The following SNX24 variants were observed in gnomAD, a reference collection of about 807,000 sequenced individuals.
SNX24 encodes sorting nexin-24.
SNX24 carries 22 observed loss-of-function variants against 28.7 expected under a neutral mutation model. The observed-to-expected ratio is 0.77, with a 90% confidence interval of 0.55 to 1.10. The LOEUF is 1.10. Among genes scored for constraint, SNX24 ranks in the 50% least tolerant of loss-of-function variants. SNX24 has a pLI of 0.00. For missense variants in SNX24, 221 were observed against 201.1 expected (o/e 1.10, Z -0.60); for synonymous variants, 69 against 71.5 (o/e 0.96, Z 0.18).
chr5:122,897,580 C>T (rs371497726), intron 1 of SNX24, among the ~76,000 whole-genome samples: 4 of 152,076 alleles, frequency 2.6e-5, no homozygotes, highest in East Asian at 1.9e-4. Context: ...GATTTTATCA[C>T]TCCAAATACT....
intron 3 of SNX24, among the ~76,000 whole-genome samples, chr5:122,987,556 A>G (rs1428431720): frequency 6.6e-6 from 1 of 152,114 alleles, no homozygotes; most frequent in Non-Finnish European, 1.5e-5. Context: ...CATGAATGAG[A>G]GATTGCTGGG....
intron 1 of SNX24, among the ~76,000 whole-genome samples, chr5:122,930,262 G>A (rs541722969): frequency 6.6e-6 from 1 of 152,070 alleles, no homozygotes; most frequent in African/African-American, 2.4e-5. Context: ...CTTTCCATTG[G>A]CAGTTCTACA....
intron 3 of SNX24, among the ~76,000 whole-genome samples, chr5:122,974,502 A>T (rs1238011687): frequency 6.6e-6 from 1 of 152,252 alleles, no homozygotes; most frequent in African/African-American, 2.4e-5. Flanking sequence ...GGCCTTATGG[A>T]CAGAAATGGA....
At chr5:122,905,582 G>T (rs1261729374) in intron 1 of SNX24, among the ~76,000 whole-genome samples, 2 of 152,186 alleles carry the variant, frequency 1.3e-5, no homozygotes, top group African/African-American at 4.8e-5. Context: ...TGCTCAACCA[G>T]TAAGTATAAT....
chr5:122,918,828 A>C (rs1581747613), intron 1 of SNX24, among the ~76,000 whole-genome samples: 1 of 152,364 alleles, frequency 6.6e-6, no homozygotes, highest in South Asian at 2.1e-4. Flanking sequence ...CTCTTTCAAC[A>C]TACTGCACTG....
intron 3 of SNX24, among the ~76,000 whole-genome samples, chr5:122,971,669 G>A (rs777985662): frequency 3.3e-5 from 5 of 152,106 alleles, no homozygotes; most frequent in Non-Finnish European, 7.4e-5. Flanking sequence ...CATGATAAGG[G>A]AAAAAGAAAG....
chr5:122,859,621 T>C (rs1755364797), intron 1 of SNX24, among the ~76,000 whole-genome samples: 1 of 152,034 alleles, frequency 6.6e-6, no homozygotes, highest in Admixed American at 6.6e-5. Flanking sequence ...ATAATAATAA[T>C]TGTCGATGAA....
chr5:122,934,674 C>T (rs1359155718), intron 1 of SNX24, among the ~76,000 whole-genome samples: 1 of 152,186 alleles, frequency 6.6e-6, no homozygotes, highest in Non-Finnish European at 1.5e-5. Flanking sequence ...ATTAAATTGA[C>T]TCCATTTCTT....
At chr5:122,936,126 T>C (rs1759168474) in intron 1 of SNX24, among the ~76,000 whole-genome samples, 1 of 152,218 alleles carries the variant, frequency 6.6e-6, no homozygotes, top group Non-Finnish European at 1.5e-5. Flanking sequence ...ATCTGGCCTT[T>C]CAACCTTGTG....
intron 1 of SNX24, among the ~76,000 whole-genome samples, chr5:122,893,279 G>A (rs1350994251): frequency 6.6e-6 from 1 of 150,484 alleles, no homozygotes; most frequent in Non-Finnish European, 1.5e-5. Flanking sequence ...CTTTTGACAT[G>A]ACCCCATTTT....
chr5:123,017,006 G>T (rs1485531323), intron 5 of SNX24, among the ~76,000 whole-genome samples: 1 of 152,002 alleles, frequency 6.6e-6, no homozygotes, highest in Non-Finnish European at 1.5e-5. Context: ...TCCCACCATG[G>T]TGACAGATTT....
At chr5:122,920,409 A>T (rs246267) in intron 1 of SNX24, among the ~76,000 whole-genome samples, 117,102 of 152,174 alleles carry the variant, frequency 0.77, 45,935 homozygotes, top group East Asian at 0.99. Context: ...ACAGAATCTG[A>T]TCCTGAAAAT....
intron 3 of SNX24, among the ~76,000 whole-genome samples, chr5:122,983,504 G>C (rs1198083103): frequency 6.6e-6 from 1 of 152,186 alleles, no homozygotes; most frequent in Non-Finnish European, 1.5e-5. Context: ...TCACTGATGA[G>C]AGCAGACTTA....
At chr5:122,990,583 A>C (rs896438373) in intron 3 of SNX24, among the ~76,000 whole-genome samples, 6 of 152,230 alleles carry the variant, frequency 3.9e-5, no homozygotes, top group African/African-American at 1.4e-4. Flanking sequence ...CACCGTAAAC[A>C]CTTTAAAAAC....
chr5:122,958,707 A>G (rs1760327465), intron 3 of SNX24, among the ~76,000 whole-genome samples: 1 of 112,798 alleles, frequency 8.9e-6, no homozygotes, highest in African/African-American at 3.9e-5. Context: ...TAGTCTTTTT[A>G]TTTTTTAATT....
intron 1 of SNX24, among the ~76,000 whole-genome samples, chr5:122,911,207 C>T (rs1254662641): frequency 1.3e-5 from 2 of 152,194 alleles, no homozygotes; most frequent in Non-Finnish European, 2.9e-5. Flanking sequence ...ATTTGCATTT[C>T]TCTGATGGCC....
In SNX24 at chr5:123,007,808, A is replaced by C. The variant is rs1762468731; in HGVS notation, c.*59A>C. The C allele has an allele frequency of 6.3e-7, 1 of 1,575,126 alleles. No individual in the cohort carries two copies. The highest frequency in any genetic ancestry group is 8.6e-7 in the Non-Finnish European group (1 of 1,168,940). On this transcript the variant is annotated 3_prime_UTR_variant, in exon 7 of 7. Coordinates refer to ENST00000261369, the MANE Select transcript of SNX24 (RefSeq NM_014035.4). ...TTTCGAAGTCACAGTCAAGGAAATCAATACCTACCAATTTAACCTAAACGC... is the reference window on the plus strand; with the variant it reads ...TTTCGAAGTCACAGTCAAGGAAATCCATACCTACCAATTTAACCTAAACGC...
intron 3 of SNX24, among the ~76,000 whole-genome samples, chr5:122,948,831 T>C (rs1241769542): frequency 6.6e-6 from 1 of 152,238 alleles, no homozygotes; most frequent in Non-Finnish European, 1.5e-5. Flanking sequence ...TCATGTGTTG[T>C]GGATTTTTCT....
chr5:122,892,031 C>A (rs547246797), intron 1 of SNX24, among the ~76,000 whole-genome samples: 2 of 152,232 alleles, frequency 1.3e-5, no homozygotes, highest in South Asian at 4.1e-4. Flanking sequence ...AGACTTATTT[C>A]TTTTGTTTTT....
Sources: gnomAD v4.1 joint callset for allele counts (sites outside exome capture counted in the v4.1 genomes callset) on GRCh38, gnomAD v4.1.1 for gene constraint, MANE v1.5 for transcripts, NCBI Gene and HGNC (gene_info 2026-07-23, HGNC 2026-07-21) for gene names.